Variants in TLN2 observed in about 807,000 individuals in gnomAD.
TLN2 encodes talin 2, also known as talin-2.
In TLN2, 118 loss-of-function variants were observed where a neutral mutation model predicts 294.7. The ratio of observed to expected loss-of-function variants is 0.40; its 90% CI spans 0.34 to 0.47. The LOEUF (loss-of-function observed/expected upper bound fraction) is 0.47. TLN2 is among the 20% of genes least tolerant of loss of function. TLN2 has a pLI of 0.84. For synonymous variants in TLN2, 1,431 were observed against 1,304.5 expected (o/e 1.10, Z -2.09); for missense variants, 3,083 against 3,282.2 (o/e 0.94, Z 1.48).
At chr15:62,682,540 A>G (rs1479340973) in intron 11 of TLN2, among the ~76,000 whole-genome samples, 1 of 152,180 alleles carries the variant, frequency 6.6e-6, no homozygotes, top group Non-Finnish European at 1.5e-5. Flanking sequence ...TTGATCTTGG[A>G]TAAGTTACCT....
intron 1 of TLN2, among the ~76,000 whole-genome samples, chr15:62,391,845 C>A (rs1483379602): frequency 4.6e-5 from 7 of 152,256 alleles, no homozygotes; most frequent in African/African-American, 1.7e-4. Context: ...GGGAACACGC[C>A]CCTCTTCCCC....
intron 1 of TLN2, among the ~76,000 whole-genome samples, chr15:62,529,937 A>T (rs759122242): frequency 6.6e-6 from 1 of 152,150 alleles, no homozygotes; most frequent in African/African-American, 2.4e-5. Context: ...CATGCCTGTA[A>T]TCCCGGCACT....
rs1433033734 is a variant in TLN2 at position 62,842,365 on chromosome 15, C to T, written c.*1755C>T. On this transcript the variant is annotated 3_prime_UTR_variant, in exon 59 of 59. Transcript: ENST00000636159. The stretch of plus-strand genomic sequence containing the variant: ...GGGAAAAGCTGGCACACTCTTGGCT[C>T]GCCCTCTTTGAGTGGAGCTGATCCA... 10 of 152,202 alleles carry T rather than the reference C, an allele frequency of 6.6e-5. No homozygotes were observed. The highest frequency in any genetic ancestry group is 1.9e-4 in the African/African-American group (8 of 41,412). 9.4% of individuals were successfully genotyped at this position (152,202 alleles called of 1,614,324 possible). A position where few individuals can be genotyped will look rare whatever the true frequency, so the allele number is the denominator to read the frequency against.
chr15:62,835,643 A>C, intron 55 of TLN2, 94 bp from the exon 56 acceptor site: 15 of 1,391,874 alleles, frequency 1.1e-5, no homozygotes, highest in Non-Finnish European at 1.5e-5. Context: ...CAAGCGGGGT[A>C]CAAGTCTGGT....
At chr15:62,467,352 A>T (rs1193551882) in intron 1 of TLN2, among the ~76,000 whole-genome samples, 1 of 152,196 alleles carries the variant, frequency 6.6e-6, no homozygotes, top group South Asian at 2.1e-4. Context: ...TAAACCTAAG[A>T]TATCTTATTG....
At chr15:62,434,655 A>G (rs1485385857) in intron 1 of TLN2, among the ~76,000 whole-genome samples, 2 of 152,232 alleles carry the variant, frequency 1.3e-5, no homozygotes, top group East Asian at 3.8e-4. Flanking sequence ...GCCTGTTCCC[A>G]GGAGTCCTCG....
chr15:62,715,304 T>TCCAC (rs144132692), intron 22 of TLN2, among the ~76,000 whole-genome samples: 5,337 of 152,308 alleles, frequency 0.035, 295 homozygotes, highest in African/African-American at 0.12. Context: ...TTTTGATAAA[T>TCCAC]CGGTGTGCTG....
At chr15:62,457,609 A>G (rs1421297453) in intron 1 of TLN2, among the ~76,000 whole-genome samples, 1 of 152,194 alleles carries the variant, frequency 6.6e-6, no homozygotes, top group Non-Finnish European at 1.5e-5. Flanking sequence ...AGAGAGGGAC[A>G]GCGTTCTGGT....
chr15:62,517,123 C>A (rs565840810), intron 1 of TLN2, among the ~76,000 whole-genome samples: 1 of 152,296 alleles, frequency 6.6e-6, no homozygotes, highest in South Asian at 2.1e-4. Context: ...CCAAGGATGG[C>A]GAGAGGTTGC....
Position 62,571,996 on chromosome 15 carries a change from C to T in TLN2, c.-237-17691C>T, listed in dbSNP as rs571029737. Among the ~76,000 whole-genome samples, 3 of 152,272 alleles carry T rather than the reference C, an allele frequency of 2.0e-5. No homozygotes were observed. The South Asian group carries it at 6.2e-4, about 32-fold the overall frequency. On this transcript the variant is annotated intron_variant, in intron 1 of 58. Transcript: ENST00000636159. The stretch of plus-strand genomic sequence containing the variant: ...CAGACCTGGAAGTCATCTTTTGTGC[C>T]TTTGTGTCTGATGTGCTGATATGGG...
At chr15:62,512,296 T>C (rs1427090621) in intron 1 of TLN2, among the ~76,000 whole-genome samples, 2 of 152,166 alleles carry the variant, frequency 1.3e-5, no homozygotes, top group Non-Finnish European at 2.9e-5. Context: ...GAGTCGGTTG[T>C]CTATTCTCAG....
intron 20 of TLN2, among the ~76,000 whole-genome samples, chr15:62,708,214 T>A (rs2059191260): frequency 6.6e-6 from 1 of 152,164 alleles, no homozygotes. Context: ...CAGAAATTTC[T>A]CTGTATGGAA....
At chr15:62,432,012 G>A (rs922835434) in intron 1 of TLN2, among the ~76,000 whole-genome samples, 7 of 152,156 alleles carry the variant, frequency 4.6e-5, no homozygotes, top group African/African-American at 1.4e-4. Flanking sequence ...TGCTCTTTTA[G>A]CTCCTGAATG....
chr15:62,586,133 T>G (rs1037051995), intron 1 of TLN2, among the ~76,000 whole-genome samples: 1 of 152,200 alleles, frequency 6.6e-6, no homozygotes, highest in Non-Finnish European at 1.5e-5. Context: ...ACGTTTTGTC[T>G]CTTAAATCCC....
chr15:62,820,723 C>A, intron 54 of TLN2, 113 bp downstream of exon 54: 1 of 1,393,180 alleles, frequency 7.2e-7, no homozygotes, highest in Non-Finnish European at 9.7e-7. Flanking sequence ...TATGGTCAGA[C>A]TAGCAAGCAG....
At chr15:62,787,972 G>A (rs1007835112) in intron 45 of TLN2, among the ~76,000 whole-genome samples, 1 of 149,442 alleles carries the variant, frequency 6.7e-6, no homozygotes, top group Non-Finnish European at 1.5e-5. Context: ...GATTACAGGC[G>A]TGAGCCACTG....
At chr15:62,811,192 A>G (rs921331680) in intron 52 of TLN2, among the ~76,000 whole-genome samples, 1 of 152,196 alleles carries the variant, frequency 6.6e-6, no homozygotes, top group African/African-American at 2.4e-5. Context: ...TTTATTCTTT[A>G]TCCAGGTAAC....
At chr15:62,591,473 A>G (rs12443444) in intron 2 of TLN2, among the ~76,000 whole-genome samples, 13,460 of 152,232 alleles carry the variant, frequency 0.088, 752 homozygotes, top group East Asian at 0.18. Context: ...TCAGAGGGCC[A>G]TACAGAAGGG....
At chr15:62,837,529 A>T (rs1346418420) in intron 57 of TLN2, among the ~76,000 whole-genome samples, 1 of 152,214 alleles carries the variant, frequency 6.6e-6, no homozygotes, top group Non-Finnish European at 1.5e-5. Context: ...ATTTACACAG[A>T]TAGAATGCAG....
Sources: gnomAD v4.1 joint callset for allele counts (sites outside exome capture counted in the v4.1 genomes callset) on GRCh38, gnomAD v4.1.1 for gene constraint, MANE v1.5 for transcripts, NCBI Gene and HGNC (gene_info 2026-07-23, HGNC 2026-07-21) for gene names.